Variants in CIITA observed in about 807,000 individuals in gnomAD.
CIITA encodes class II major histocompatibility complex transactivator, also known as MHC class II transactivator.
In CIITA, 72 loss-of-function variants were observed where a neutral mutation model predicts 115.1. That is an observed-to-expected ratio of 0.63 (90% CI 0.52 to 0.76). The LOEUF is 0.76. CIITA is among the 30% of genes least tolerant of loss of function. The probability of loss-of-function intolerance (pLI) is 0.00; values close to 1 mark genes in which losing one functional copy is unlikely to be tolerated. For synonymous variants in CIITA, 763 were observed against 635.6 expected (o/e 1.20, Z -3.02); for missense variants, 1,617 against 1,463.8 (o/e 1.10, Z -1.71).
At chr16:10,912,860 G>A (rs1315909623) in intron 13 of CIITA, among the ~76,000 whole-genome samples, 2 of 152,140 alleles carry the variant, frequency 1.3e-5, no homozygotes, top group Non-Finnish European at 1.5e-5. Context: ...GAGGTTCTGA[G>A]GAAGGAAGGA....
At chr16:10,882,388 A>G (rs2036518048) in intron 1 of CIITA, among the ~76,000 whole-genome samples, 1 of 152,174 alleles carries the variant, frequency 6.6e-6, no homozygotes, top group Non-Finnish European at 1.5e-5. Context: ...GACCAAGGGC[A>G]TGGCAGCAGA....
At chr16:10,895,579 A>AGGGGCTC in intron 2 of CIITA, 90 bp from the exon 3 acceptor site, 2 of 1,566,366 alleles carry the variant, frequency 1.3e-6, no homozygotes, top group Non-Finnish European at 1.7e-6. Context: ...GATGGGGATG[A>AGGGGCTC]TCTCCCAGCC....
upstream of CIITA, chr16:10,877,188 A>G (rs2035904990): frequency 1.0e-4 from 74 of 741,504 alleles, 1 homozygote; most frequent in South Asian, 1.1e-3. Context: ...CGGGCTCCCA[A>G]CTGGTGACTG....
In CIITA at chr16:10,906,996, G is replaced by C. The variant is rs1229334933; in HGVS notation, c.1504G>C (p.Glu502Gln). The stretch of plus-strand genomic sequence containing the variant: ...CGTTCTGCTCATCCTAGACGGCTTC[G>C]AGGAGCTGGAAGCGCAAGATGGCTT... ...DRVLLILDGF[E>Q]ELEAQDGFLH... Residue 502 changes from glutamate to glutamine, a missense_variant, in exon 11 of 20, where the codon GAG becomes CAG. Coordinates refer to ENST00000324288, the MANE Select transcript of CIITA (RefSeq NM_000246.4). 3.7e-6 allele frequency: 6 copies of C among 1,610,240 alleles called. No homozygotes were observed. The highest frequency in any genetic ancestry group is 2.7e-5 in the African/African-American group (2 of 74,894).
intron 10 of CIITA, 90 bp downstream of exon 10, chr16:10,904,902 AC>A: frequency 7.5e-7 from 1 of 1,331,812 alleles, no homozygotes; most frequent in Non-Finnish European, 1.1e-6. Context: ...CACTTATTCA[AC>A]CCCTTCTTTG....
Position 10,921,348 on chromosome 16 carries a change from A to G in CIITA, c.3150-819A>G, listed in dbSNP as rs997399537. On this transcript the variant is annotated intron_variant, in intron 16 of 19. Transcript: ENST00000324288. ...TCACTGCTACTAATGCTGGTTGTGA[A>G]TATGCTGCAGAAACTGGAGCTGGTC... Among the ~76,000 whole-genome samples the G allele has an allele frequency of 2.6e-5, 4 of 152,174 alleles. No homozygotes were observed. The East Asian group carries it at 7.7e-4, about 29-fold the overall frequency.
At chr16:10,918,991 G>C (rs1357919960) in intron 16 of CIITA, among the ~76,000 whole-genome samples, 4 of 152,002 alleles carry the variant, frequency 2.6e-5, no homozygotes, top group Non-Finnish European at 5.9e-5. Context: ...TCCAGGCCCT[G>C]GTGTGGTCCC....
rs1489689438 is a variant in CIITA, at chr16:10,941,976, C to T, written n.1102C>T. 6.6e-7 allele frequency: 1 copy of T among 1,521,834 alleles called. No individual in the cohort carries two copies. The highest frequency in any genetic ancestry group is 2.1e-5 in the Admixed American group (1 of 47,138). 94.3% of individuals were successfully genotyped at this position (1,521,834 alleles called of 1,614,324 possible). A position where few individuals can be genotyped will look rare whatever the true frequency, so the allele number is the denominator to read the frequency against. ...AGGGGACCAGGGGGCCCAGTGCGTC[C>T]AGGTGGGCCGCGACCCGGGCGCCGA... On this transcript the variant is annotated non_coding_transcript_exon_variant, in exon 2 of 2. Coordinates refer to the CIITA transcript ENST00000573379. This position sits in a 1 kb window ranked among gnomAD's most constrained non-coding sequence, Gnocchi z 6.4.
At chr16:10,866,881 G>C (rs529304818) in intron 1 of CIITA, among the ~76,000 whole-genome samples, 1 of 152,320 alleles carries the variant, frequency 6.6e-6, no homozygotes, top group South Asian at 2.1e-4. Flanking sequence ...GGACAGATCA[G>C]CTCCTGCCTT....
intron 1 of CIITA, among the ~76,000 whole-genome samples, chr16:10,882,040 C>G (rs975521785): frequency 6.6e-6 from 1 of 152,104 alleles, no homozygotes; most frequent in African/African-American, 2.4e-5. Flanking sequence ...TGTGGATATC[C>G]CATATTTTGT....
At position 10,920,306 on chromosome 16, in the gene CIITA, G is replaced by C. The variant is rs561151950; in HGVS notation, c.3149+1780G>C. On this transcript the variant is annotated intron_variant, in intron 16 of 19. Coordinates refer to ENST00000324288, the MANE Select transcript of CIITA (RefSeq NM_000246.4). The surrounding 1 kb of genome is among the most constrained non-coding windows in gnomAD (Gnocchi z 4.5). ...TTTATTGCCCAGGCTAAGGTGCAGT[G>C]GCATGATCTCAGCTCACTGCAAGCA... Among the ~76,000 whole-genome samples the C allele has an allele frequency of 6.6e-6, 1 of 152,276 alleles. No homozygotes were observed. The highest frequency in any genetic ancestry group is 2.1e-4 in the South Asian group (1 of 4,828).
At chr16:10,868,274 G>A (rs538620237) in intron 1 of CIITA, among the ~76,000 whole-genome samples, 3 of 152,264 alleles carry the variant, frequency 2.0e-5, no homozygotes, top group East Asian at 1.9e-4. Flanking sequence ...CAGGGGTGAC[G>A]CAACTTGCCC....
intron 11 of CIITA, 98 bp from the exon 12 acceptor site, chr16:10,908,930 GA>G (rs1251717490): frequency 1.9e-6 from 3 of 1,563,492 alleles, no homozygotes; most frequent in Non-Finnish European, 2.6e-6. Context: ...GCTAAGGAAA[GA>G]AAGTATTTTA....
In CIITA at chr16:10,901,739, G is replaced by T. The variant is rs549808783; in HGVS notation, c.481+181G>T. 2.9e-6 allele frequency: 2 copies of T among 699,302 alleles called. No individual in the cohort carries two copies. Among genetic ancestry groups the T allele is most frequent in the African/African-American group, 1.8e-5 (1 of 56,220 alleles). The allele number at this position is 699,302 out of a possible 1,614,324, so 43.3% of individuals were successfully genotyped here. A position where few individuals can be genotyped will look rare whatever the true frequency, so the allele number is the denominator to read the frequency against. On this transcript the variant is annotated intron_variant, in intron 6 of 19. Transcript: ENST00000324288. The surrounding 1 kb of genome is among the most constrained non-coding windows in gnomAD (Gnocchi z 6.8). ...TCCTCTAAGGGGCTCACGACTGTTT[G>T]TGGAAGGTGGTAGGGGCTTGGAGCT...
chr16:10,901,738 T>C lies in CIITA; in HGVS notation c.481+180T>C, dbSNP rs953377209. Reference sequence around the variant, plus strand: ...GTCCTCTAAGGGGCTCACGACTGTTTGTGGAAGGTGGTAGGGGCTTGGAGC... The same window carrying C: ...GTCCTCTAAGGGGCTCACGACTGTTCGTGGAAGGTGGTAGGGGCTTGGAGC... On this transcript the variant is annotated intron_variant, in intron 6 of 19. Transcript: ENST00000324288. This position sits in a 1 kb window ranked among gnomAD's most constrained non-coding sequence, Gnocchi z 6.8. The C allele has an allele frequency of 8.0e-5, 56 of 702,238 alleles. No homozygotes were observed. Among genetic ancestry groups the C allele is most frequent in the Admixed American group, 6.1e-4 (25 of 40,920 alleles). The allele number at this position is 702,238 out of a possible 1,614,324, so 43.5% of individuals were successfully genotyped here.
chr16:10,917,831 C>G (rs1567442623), intron 15 of CIITA, among the ~76,000 whole-genome samples: 2 of 152,162 alleles, frequency 1.3e-5, no homozygotes, highest in South Asian at 2.1e-4. Flanking sequence ...CCCACACTCC[C>G]CCTCACAACC....
upstream of CIITA, among the ~76,000 whole-genome samples, chr16:10,876,550 CAGG>C (rs1250048843): frequency 6.6e-6 from 1 of 152,270 alleles, no homozygotes; most frequent in East Asian, 1.9e-4. Context: ...TTGATACCAC[CAGG>C]AGGATGGGCA....
At position 10,901,547 on chromosome 16, in the gene CIITA, A is replaced by G. The variant is rs1273608272; in HGVS notation, c.470A>G (p.His157Arg). Residue 157 changes from histidine to arginine, a missense_variant, in exon 6 of 20, where the codon CAC (histidine) becomes CGC (arginine). By Grantham distance (29) the His-to-Arg change is conservative (BLOSUM62 0). Coordinates refer to ENST00000324288, the MANE Select transcript of CIITA (RefSeq NM_000246.4). The surrounding 1 kb of genome is among the most constrained non-coding windows in gnomAD (Gnocchi z 6.8). ...FPEELPADLK[H>R]WKPAEPPTVV... ...GAGGAGCTTCCGGCAGACCTGAAGC[A>G]CTGGAAGCCAGGTGTGCAGGGCAGG... 1.2e-6 allele frequency: 2 copies of G among 1,613,872 alleles called. No individual in the cohort carries two copies. Among genetic ancestry groups the G allele is most frequent in the Non-Finnish European group, 1.7e-6 (2 of 1,180,000 alleles).
At chr16:10,908,949 G>T (rs1396472332) in intron 11 of CIITA, 80 bp from the exon 12 acceptor site, 1 of 1,600,802 alleles carries the variant, frequency 6.2e-7, no homozygotes, top group Non-Finnish European at 8.5e-7. Flanking sequence ...TTAATAGGTA[G>T]GAGGACCCTT....
Sources: gnomAD v4.1 joint callset for allele counts (sites outside exome capture counted in the v4.1 genomes callset) on GRCh38, gnomAD v4.1.1 for gene constraint, Gnocchi (gnomAD v3.1) non-coding constraint, MANE v1.5 for transcripts, NCBI Gene and HGNC (gene_info 2026-07-23, HGNC 2026-07-21) for gene names.